CDKL5: variants seen among roughly 807,000 people sequenced by gnomAD.
The protein encoded by CDKL5 is cyclin-dependent kinase-like 5.
In CDKL5, 8 loss-of-function variants were observed where a neutral mutation model predicts 61.7. The observed-to-expected ratio is 0.13, with a 90% CI of 0.08 to 0.23. The LOEUF (loss-of-function observed/expected upper bound fraction) is 0.23. Ranked by LOEUF, CDKL5 falls within the 10% of genes least tolerant of loss-of-function variation. CDKL5 has a pLI of 1.00. For synonymous variants in CDKL5, 275 were observed against 272.3 expected, an observed-to-expected ratio of 1.01 and a Z score of -0.10; for missense variants, 440 against 734.5, an observed-to-expected ratio of 0.60 and a Z score of 4.63.
intron 1 of CDKL5, among the ~76,000 whole-genome samples, chrX:18,434,662 T>C (rs1602187366): frequency 8.9e-6 from 1 of 112,391 alleles, no homozygotes; most frequent in East Asian, 2.8e-4. Context: ...GCATGGTGGC[T>C]CATGCCTGTA....
At chrX:18,524,570 C>A (rs1345926685) in intron 3 of CDKL5, among the ~76,000 whole-genome samples, 1 of 112,031 alleles carries the variant, frequency 8.9e-6, no homozygotes, top group East Asian at 2.8e-4. Flanking sequence ...TTCATTCTTA[C>A]AATGGTATGT....
In CDKL5 at chrX:18,556,093, T is replaced by G. The variant is rs927803405; in HGVS notation, c.100-8384T>G. Among the ~76,000 whole-genome samples, 17 of 111,952 alleles carry G rather than the reference T, an allele frequency of 1.5e-4. No individual in the cohort carries two copies. The Admixed American group carries it at 1.6e-3, about 11-fold the overall frequency. ...ATATTAGCTCTGACCTGCTATAGAA[T>G]GTATCCTGTGCTTGAATTTCCTCCC... On this transcript the variant is annotated intron_variant, in intron 3 of 17. Transcript: ENST00000623535.
At chrX:18,591,426 C>G (rs1925826039) in intron 9 of CDKL5, among the ~76,000 whole-genome samples, 1 of 110,986 alleles carries the variant, frequency 9.0e-6, no homozygotes, top group Admixed American at 9.6e-5. Flanking sequence ...TTTCTTTTCT[C>G]TCCATCTCTC....
In CDKL5 at chrX:18,620,498, C is replaced by T. The variant is rs150733669; in HGVS notation, c.2376+532C>T. 4.5e-4 allele frequency among the ~76,000 whole-genome samples: 50 copies of T among 111,257 alleles called. 2 individuals carry two copies. In the East Asian group the frequency reaches 0.01, roughly 23 times the overall value. ...GGAAAATATGTTTGCCTTTTGATCG[C>T]GCTGTGGGTTGGAATGCACCTTATC... On this transcript the variant is annotated intron_variant, in intron 16 of 17. Transcript: ENST00000623535.
At chrX:18,435,043 T>G (rs776965569) in intron 1 of CDKL5, among the ~76,000 whole-genome samples, 4 of 111,950 alleles carry the variant, frequency 3.6e-5, no homozygotes, top group Non-Finnish European at 7.5e-5. Flanking sequence ...ATATGACAGA[T>G]AAAAAAAGGT....
intron 15 of CDKL5, among the ~76,000 whole-genome samples, chrX:18,617,030 G>A (rs1220932148): frequency 9.0e-6 from 1 of 111,457 alleles, no homozygotes; most frequent in Non-Finnish European, 1.9e-5. Context: ...GATCAGATTC[G>A]TTCTTTTATT....
chrX:18,613,017 C>T lies in CDKL5; in HGVS notation c.2153-135C>T, dbSNP rs1008928129. 3.8e-5 allele frequency: 16 copies of T among 424,249 alleles called. No individual in the cohort carries two copies. In the African/African-American group the frequency reaches 4.3e-4, roughly 11 times the overall value. The allele number at this position is 424,249 out of a possible 1,213,427, so 35.0% of individuals were successfully genotyped here. A position where few individuals can be genotyped will look rare whatever the true frequency, so the allele number is the denominator to read the frequency against. ...GGCTCAGGCAGGAGGATTGCTTGAG[C>T]CTGGGAGGTCAAGGCTGCACTGAGC... On this transcript the variant is annotated intron_variant, in intron 14 of 17. Coordinates refer to ENST00000623535, the MANE Select transcript of CDKL5 (RefSeq NM_001323289.2).
chrX:18,527,505 A>G (rs1423890454), intron 3 of CDKL5, among the ~76,000 whole-genome samples: 1 of 111,817 alleles, frequency 8.9e-6, no homozygotes, highest in Admixed American at 9.5e-5. Context: ...TAAGTTGTCA[A>G]ATTTTTAGGC....
In CDKL5 at chrX:18,652,049, C is replaced by T. The variant is rs571560620; in HGVS notation, c.2981-1383C>T. Among the ~76,000 whole-genome samples the T allele has an allele frequency of 3.5e-3, 384 of 110,533 alleles. 2 individuals are homozygous for T. In the Middle Eastern group the frequency reaches 0.046, roughly 13 times the overall value. ...TCCCCAGCACCCTTCACACCTGTCA[C>T]GCACCCCTCCTCCTCAGGCATACTT... is the stretch of plus-strand genomic sequence containing the variant. On this transcript the variant is annotated intron_variant, in intron 21 of 21. Coordinates refer to the CDKL5 transcript ENST00000379989.
intron 1 of CDKL5, among the ~76,000 whole-genome samples, chrX:18,489,027 C>T (rs1465420036): frequency 1.8e-5 from 2 of 111,663 alleles, no homozygotes; most frequent in Admixed American, 9.5e-5. Flanking sequence ...AGCTGTCTCT[C>T]ATGGGGAAAA....
chrX:18,487,907 C>T (rs1287091529), intron 1 of CDKL5, among the ~76,000 whole-genome samples: 1 of 111,034 alleles, frequency 9.0e-6, no homozygotes, highest in Non-Finnish European at 1.9e-5. Flanking sequence ...CAGAGTGAGA[C>T]TCCGTCTCGG....
At chrX:18,600,458 T>G (rs892047871) in intron 11 of CDKL5, among the ~76,000 whole-genome samples, 1 of 112,177 alleles carries the variant, frequency 8.9e-6, no homozygotes, top group African/African-American at 3.2e-5. Flanking sequence ...TTTTATCTCC[T>G]TTTTACCTTA....
At chrX:18,576,532 T>C (rs1804460501) in intron 5 of CDKL5, among the ~76,000 whole-genome samples, 1 of 111,125 alleles carries the variant, frequency 9.0e-6, no homozygotes, top group Admixed American at 9.6e-5. Flanking sequence ...AGTATCAACA[T>C]TGTCATAACC....
chrX:18,532,040 G>A (rs1923667832), intron 3 of CDKL5, among the ~76,000 whole-genome samples: 1 of 112,089 alleles, frequency 8.9e-6, no homozygotes, highest in African/African-American at 3.2e-5. Flanking sequence ...AGGAGTGATG[G>A]TATCCAAGCA....
intron 1 of CDKL5, among the ~76,000 whole-genome samples, chrX:18,468,351 A>G (rs746866821): frequency 4.4e-4 from 49 of 112,431 alleles, no homozygotes; most frequent in Non-Finnish European, 7.1e-4. Context: ...AGTAAACTCA[A>G]GCATTCTATA....
intron 2 of CDKL5, among the ~76,000 whole-genome samples, chrX:18,509,197 G>GCACACGCGCACACACA (rs1555940192): frequency 7.8e-5 from 5 of 64,314 alleles, no homozygotes; most frequent in African/African-American, 3.0e-4. Context: ...CTCAAAACAC[G>GCACACGCGCACACACA]CACACACACA....
In CDKL5 at chrX:18,466,352, T is replaced by A. The variant is rs150940302; in HGVS notation, c.-162-40583T>A. ...CAGTGTTATAAATGTTCCTAATGGA[T>A]TTATAAGCAAATCTTATGAAATCTT... On this transcript the variant is annotated intron_variant, in intron 1 of 17. Coordinates refer to ENST00000623535, the MANE Select transcript of CDKL5 (RefSeq NM_001323289.2). Among the ~76,000 whole-genome samples the A allele has an allele frequency of 7.9e-3, 888 of 112,180 alleles. 7 individuals carry two copies. The highest frequency in any genetic ancestry group is 0.013 in the Non-Finnish European group (682 of 53,267).
In CDKL5 at chrX:18,461,158, CTA is replaced by C. The variant is rs746202670; in HGVS notation, c.-163+35465_-163+35466del. ...TGTTTTTTGGCTAATTCAAATAAAA[CTA>C]TGAATGTTTTTGTACCGGTCTTTTG... On this transcript the variant is annotated intron_variant, in intron 1 of 17. Transcript: ENST00000623535. Among the ~76,000 whole-genome samples, 10 of 112,215 alleles carry C rather than the reference CTA, an allele frequency of 8.9e-5. No homozygotes were observed. In the East Asian group the frequency reaches 2.2e-3, roughly 25 times the overall value.
chrX:18,596,463 A>T (rs1404970886), intron 10 of CDKL5, among the ~76,000 whole-genome samples: 4 of 112,079 alleles, frequency 3.6e-5, no homozygotes, highest in Non-Finnish European at 5.6e-5. Flanking sequence ...TGTCTTACCC[A>T]ATATTTTCCA....
Sources: gnomAD v4.1 joint callset for allele counts (sites outside exome capture counted in the v4.1 genomes callset) on GRCh38, gnomAD v4.1.1 for gene constraint, MANE v1.5 for transcripts, NCBI Gene and HGNC (gene_info 2026-07-23, HGNC 2026-07-21) for gene names.